Variants in ITPK1 observed in about 807,000 individuals in gnomAD.
ITPK1 encodes the protein inositol-tetrakisphosphate 1-kinase.
In ITPK1, 21 loss-of-function variants were observed where a neutral mutation model predicts 45.3. That is an observed-to-expected ratio of 0.46 (90% CI 0.33 to 0.67). ITPK1 has a LOEUF of 0.67. Ranked by LOEUF, ITPK1 falls within the 30% of genes least tolerant of loss-of-function variation. The probability of loss-of-function intolerance (pLI) is 0.02; values close to 1 mark genes in which losing one functional copy is unlikely to be tolerated. For missense variants in ITPK1, 474 were observed against 573.5 expected, an observed-to-expected ratio of 0.83 and a Z score of 1.77; for synonymous variants, 258 against 253.6, an observed-to-expected ratio of 1.02 and a Z score of -0.16.
intron 5 of ITPK1, among the ~76,000 whole-genome samples, chr14:92,975,313 T>C (rs1043733497): frequency 6.6e-6 from 1 of 152,174 alleles, no homozygotes; most frequent in African/African-American, 2.4e-5. Flanking sequence ...GCAGTGCCCC[T>C]GACCCAGTAC....
rs141063207 is a variant in ITPK1, at chr14:92,961,286, C to T, written c.504+1069G>A. Among the ~76,000 whole-genome samples, 812 of 152,314 alleles carry T rather than the reference C, an allele frequency of 5.3e-3. 6 individuals carry two copies. The highest frequency in any genetic ancestry group is 0.019 in the African/African-American group (777 of 41,572). Reference sequence around the variant, plus strand: ...TGTGGCTCCTGAGGGTGGTACGGGCCCTGGCCCCAGCGAAGCCCCTGCATG... The same window carrying T: ...TGTGGCTCCTGAGGGTGGTACGGGCTCTGGCCCCAGCGAAGCCCCTGCATG... On this transcript the variant is annotated intron_variant, in intron 7 of 10. Transcript: ENST00000267615.
At chr14:92,976,451 G>T (rs1274272704) in intron 5 of ITPK1, among the ~76,000 whole-genome samples, 1 of 152,228 alleles carries the variant, frequency 6.6e-6, no homozygotes, top group Non-Finnish European at 1.5e-5. Context: ...AAACTGCCAT[G>T]CAAGACTGCA....
chr14:92,946,728 A>G (rs1887710033), intron 9 of ITPK1, among the ~76,000 whole-genome samples: 4 of 152,254 alleles, frequency 2.6e-5, no homozygotes, highest in African/African-American at 9.6e-5. Context: ...CACAGCCTGG[A>G]AGGCCAGTGC....
chr14:93,036,563 C>G lies in ITPK1; in HGVS notation c.121-19762G>C, dbSNP rs376552003. Among the ~76,000 whole-genome samples the G allele has an allele frequency of 6.6e-5, 10 of 151,918 alleles. No homozygotes were observed. Among genetic ancestry groups the G allele is most frequent in the Non-Finnish European group, 1.3e-4 (9 of 67,942 alleles). On this transcript the variant is annotated intron_variant, in intron 3 of 10. Transcript: ENST00000267615. The surrounding 1 kb of genome is among the most constrained non-coding windows in gnomAD (Gnocchi z 4.1). ...TGCTGGTGGCAGCCTCTCCACACCC[C>G]CTAACCCCCAGCCACTCTCCCCGGC...
intron 9 of ITPK1, among the ~76,000 whole-genome samples, chr14:92,951,275 A>G (rs1007209491): frequency 1.3e-5 from 2 of 152,246 alleles, no homozygotes; most frequent in African/African-American, 4.8e-5. Context: ...CTCAGGAATC[A>G]CTGGTGAGGT....
In ITPK1 at chr14:92,993,968, G is replaced by T. The variant is rs138902553; in HGVS notation, c.276C>A (p.Ile92=). 1 of 1,613,748 alleles carries T rather than the reference G, an allele frequency of 6.2e-7. No homozygotes were observed. The highest frequency in any genetic ancestry group is 8.5e-7 in the Non-Finnish European group (1 of 1,179,668). ...TGATGGCAGGGAGCGGGTCCAGGAC[G>T]ATGGTCTCAGGGTGGGCATCGATGT... ...QEYIDAHPET[I]VLDPLPAIRT... Residue 92 remains isoleucine (I), a synonymous_variant, in exon 5 of 11, where the codon ATC becomes ATA. Transcript: ENST00000267615.
intron 2 of ITPK1, among the ~76,000 whole-genome samples, chr14:93,089,098 C>A (rs1187557966): frequency 1.3e-5 from 2 of 152,196 alleles, no homozygotes; most frequent in African/African-American, 4.8e-5. Flanking sequence ...AGCTGCCTCT[C>A]CACCCAACCA....
chr14:92,959,879 G>A (rs181898147), intron 7 of ITPK1, among the ~76,000 whole-genome samples: 21 of 152,296 alleles, frequency 1.4e-4, no homozygotes, highest in South Asian at 4.1e-4. Context: ...TTCAGAGGCC[G>A]GGAGTGCGCG....
intron 2 of ITPK1, among the ~76,000 whole-genome samples, chr14:93,103,134 A>G (rs201270553): frequency 4.0e-5 from 6 of 150,164 alleles, no homozygotes. Context: ...AAGAAAGAAA[A>G]AAAGAAAAAT....
At chr14:92,997,771 G>A (rs1020799784) in intron 4 of ITPK1, among the ~76,000 whole-genome samples, 1 of 152,194 alleles carries the variant, frequency 6.6e-6, no homozygotes, top group African/African-American at 2.4e-5. Flanking sequence ...GGGCAGCCTG[G>A]CTCTAGGCAG....
intron 2 of ITPK1, among the ~76,000 whole-genome samples, chr14:93,085,784 G>A (rs1030471687): frequency 9.2e-5 from 14 of 152,152 alleles, no homozygotes; most frequent in East Asian, 1.9e-4. Flanking sequence ...CGACATCCCC[G>A]CTTTTTAGTG....
At chr14:92,993,843 C>T (rs1228684131) in intron 5 of ITPK1, 37 bp downstream of exon 5, 2 of 1,374,596 alleles carry the variant, frequency 1.5e-6, no homozygotes, top group Non-Finnish European at 2.1e-6. Flanking sequence ...ACAAAGGTGG[C>T]TGCCTGCCAC....
chr14:93,059,836 A>G (rs1464912636), intron 3 of ITPK1, among the ~76,000 whole-genome samples: 47 of 49,498 alleles, frequency 9.5e-4, no homozygotes, highest in African/African-American at 3.6e-3. Context: ...GGAGGGGGTG[A>G]GGGTCCCGAA....
At chr14:93,084,183 C>T (rs549988072) in intron 2 of ITPK1, among the ~76,000 whole-genome samples, 1 of 152,206 alleles carries the variant, frequency 6.6e-6, no homozygotes, top group African/African-American at 2.4e-5. Context: ...CAGCCAGACC[C>T]GCCACCTGGA....
chr14:93,110,383 A>G (rs1338144969), intron 2 of ITPK1, among the ~76,000 whole-genome samples: 2 of 152,212 alleles, frequency 1.3e-5, no homozygotes, highest in African/African-American at 4.8e-5. Context: ...CCCACAGACC[A>G]GCATCACTTA....
At chr14:93,001,683 G>A (rs1487681465) in intron 4 of ITPK1, among the ~76,000 whole-genome samples, 1 of 152,214 alleles carries the variant, frequency 6.6e-6, no homozygotes, top group Admixed American at 6.5e-5. Context: ...ACCCTTGACA[G>A]AAGAACTGAA....
At chr14:93,084,184 G>A (rs1454115893) in intron 2 of ITPK1, among the ~76,000 whole-genome samples, 1 of 152,186 alleles carries the variant, frequency 6.6e-6, no homozygotes, top group African/African-American at 2.4e-5. Context: ...AGCCAGACCC[G>A]CCACCTGGAA....
intron 4 of ITPK1, among the ~76,000 whole-genome samples, chr14:93,000,890 G>C (rs1339543970): frequency 1.4e-5 from 2 of 147,908 alleles, no homozygotes; most frequent in Non-Finnish European, 3.0e-5. Flanking sequence ...AGAATCACTT[G>C]AACTTGGGAG....
chr14:93,031,819 T>G (rs1026605322), intron 3 of ITPK1, among the ~76,000 whole-genome samples: 1 of 152,208 alleles, frequency 6.6e-6, no homozygotes, highest in Non-Finnish European at 1.5e-5. Context: ...TATCTCCATG[T>G]TCCCCCTAGA....
Sources: allele counts gnomAD v4.1 joint callset (sites outside exome capture counted in the v4.1 genomes callset), GRCh38; gene constraint gnomAD v4.1.1; non-coding constraint Gnocchi (gnomAD v3.1); transcripts MANE v1.5; gene names NCBI Gene and HGNC (gene_info 2026-07-23, HGNC 2026-07-21).